DNAH12: variants seen among roughly 807,000 people sequenced by gnomAD.
DNAH12 encodes axonemal beta dynein heavy chain 12.
In DNAH12, 285 loss-of-function variants were observed where a neutral mutation model predicts 371.5. The observed-to-expected ratio is 0.77, with a 90% CI of 0.70 to 0.85. DNAH12 has a LOEUF of 0.85. Ranked by LOEUF, DNAH12 falls within the 40% of genes least tolerant of loss-of-function variation. The pLI, the probability that DNAH12 is intolerant of heterozygous loss-of-function variation, is 0.00. For synonymous variants in DNAH12, 1,200 were observed against 1,213.0 expected (o/e 0.99, Z 0.22); for missense variants, 3,611 against 3,689.4 (o/e 0.98, Z 0.55).
At chr3:57,328,969 A>C (rs75210419) in intron 62 of DNAH12, among the ~76,000 whole-genome samples, 30,520 of 119,530 alleles carry the variant, frequency 0.26, 3,783 homozygotes, top group African/African-American at 0.31. Context: ...CAATTGCTTC[A>C]AAGGGAATAA....
At chr3:57,383,759 T>TAA (rs1276621133) in intron 49 of DNAH12, among the ~76,000 whole-genome samples, 4,681 of 132,434 alleles carry the variant, frequency 0.035, 99 homozygotes, top group African/African-American at 0.05. Flanking sequence ...GACCCTGTCT[T>TAA]AAAAAAAAAA....
At chr3:57,529,376 TTTTGC>T (rs1255867945) in intron 2 of DNAH12, among the ~76,000 whole-genome samples, 1 of 152,182 alleles carries the variant, frequency 6.6e-6, no homozygotes, top group Non-Finnish European at 1.5e-5. Flanking sequence ...CCTGGGCTTT[TTTTGC>T]TGGAAGACGT....
chr3:57,475,395 G>C (rs1464179865), intron 13 of DNAH12, among the ~76,000 whole-genome samples: 4 of 152,074 alleles, frequency 2.6e-5, no homozygotes, highest in African/African-American at 9.7e-5. Context: ...TAAAATAAAA[G>C]ACTGCTCCAT....
At chr3:57,489,757 T>C (rs777728816) in intron 11 of DNAH12, 70 bp from the exon 12 acceptor site, 5 of 1,354,040 alleles carry the variant, frequency 3.7e-6, no homozygotes, top group East Asian at 2.8e-5. Context: ...TATTGTATTG[T>C]TATGAAAGTC....
At chr3:57,552,675 T>A in the DNAH12 span, among the ~76,000 whole-genome samples, 9 of 152,148 alleles carry the variant, frequency 5.9e-5, no homozygotes, top group Admixed American at 5.9e-4. Context: ...TTTGGGAGGC[T>A]GAGGCAGGTG....
At chr3:57,309,888 T>A in intron 67 of DNAH12, 34 bp from the exon 68 acceptor site, 1 of 1,526,010 alleles carries the variant, frequency 6.6e-7, no homozygotes, top group Non-Finnish European at 8.8e-7. Context: ...GCATCATATT[T>A]TCCCTGGATA....
chr3:57,520,693 G>A (rs888656501), intron 4 of DNAH12, among the ~76,000 whole-genome samples: 3 of 151,662 alleles, frequency 2.0e-5, no homozygotes, highest in South Asian at 4.2e-4. Context: ...CGCCCACCCC[G>A]GCTTCCCAAA....
chr3:57,415,534 T>C lies in DNAH12; in HGVS notation c.5745A>G (p.Thr1915=). ...TATCCTTCACATACACAGATTTTCCTGTACCCGTTGGACCCACAAAAAGGA... is the reference window on the plus strand; with the variant it reads ...TATCCTTCACATACACAGATTTTCCCGTACCCGTTGGACCCACAAAAAGGA... ...KPLLFVGPTG[T]GKSVYVKDKL... The change falls in exon 38 of 74, where the codon ACA becomes ACG. Residue 1915 remains threonine (T), a synonymous_variant. Transcript: ENST00000495027. 2 of 1,549,234 alleles carry C rather than the reference T, an allele frequency of 1.3e-6. No homozygotes were observed. The highest frequency in any genetic ancestry group is 2.4e-5 in the East Asian group (1 of 40,882).
rs1177542478 is a variant in DNAH12, at chr3:57,363,577, T to C, written c.9360+17A>G. On this transcript the variant is annotated intron_variant, in intron 58 of 73. Coordinates refer to ENST00000495027, the MANE Select transcript of DNAH12 (RefSeq NM_001366028.2). ...CTTAAGATTTAAATCAAAAGACTTC[T>C]AGGATTCTTTTTTCACCTGCTGTTT... 3 of 152,164 alleles carry C rather than the reference T, an allele frequency of 2.0e-5. No homozygotes were observed. The highest frequency in any genetic ancestry group is 4.4e-5 in the Non-Finnish European group (3 of 67,988). 9.4% of individuals were successfully genotyped at this position (152,164 alleles called of 1,614,324 possible).
At chr3:57,405,209 C>G (rs2063987209) in intron 41 of DNAH12, 62 bp from the exon 42 acceptor site, 1 of 1,419,860 alleles carries the variant, frequency 7.0e-7, no homozygotes, top group Non-Finnish European at 9.3e-7. Context: ...TTTAAGAAAA[C>G]AAAATTTTTG....
intron 30 of DNAH12, among the ~76,000 whole-genome samples, chr3:57,435,555 G>C (rs28632198): frequency 5.2e-4 from 79 of 152,196 alleles, no homozygotes; most frequent in African/African-American, 1.8e-3. Flanking sequence ...TAGGAACATG[G>C]AGCTGTCTAG....
chr3:57,295,553 G>A lies in DNAH12; in HGVS notation c.11664C>T (p.Asp3888=). The A allele has an allele frequency of 6.5e-7, 1 of 1,545,402 alleles. No individual in the cohort carries two copies. Among genetic ancestry groups the A allele is most frequent in the East Asian group, 2.5e-5 (1 of 40,814 alleles). ...GTTTTATCCATATGATGGGCATCAG[G>A]TCAAACAGAAGTTTGGGATATTGTT... ...LAEQYPKLLF[D]LMPIIWIKPT... is the part of the protein sequence containing the mutation. The change falls in exon 73 of 74, where the codon GAC becomes GAT. Residue 3888 remains aspartate (D), a synonymous_variant. Transcript: ENST00000495027.
At chr3:57,299,948 C>A (rs1432375803) in intron 70 of DNAH12, among the ~76,000 whole-genome samples, 1 of 152,164 alleles carries the variant, frequency 6.6e-6, no homozygotes, top group East Asian at 1.9e-4. Context: ...AAGGGCCCCA[C>A]GTGGGGGAGA....
chr3:57,402,676 G>A (rs1237093918), intron 43 of DNAH12, among the ~76,000 whole-genome samples: 3 of 152,166 alleles, frequency 2.0e-5, no homozygotes, highest in East Asian at 1.9e-4. Flanking sequence ...CTTATCAGAG[G>A]CCAGAAAGGA....
intron 12 of DNAH12, among the ~76,000 whole-genome samples, chr3:57,486,251 A>G (rs2066920347): frequency 1.3e-5 from 2 of 152,114 alleles, no homozygotes; most frequent in South Asian, 4.1e-4. Flanking sequence ...GAAATTTTAA[A>G]AATTAAAATT....
intron 34 of DNAH12, among the ~76,000 whole-genome samples, chr3:57,426,292 G>C (rs1017661018): frequency 6.6e-6 from 1 of 152,134 alleles, no homozygotes; most frequent in African/African-American, 2.4e-5. Context: ...TTAATTACAA[G>C]AGGAAGAGAG....
In DNAH12 at chr3:57,508,480, G is replaced by T. The variant is rs373494261; in HGVS notation, c.603C>A (p.Phe201Leu). ...SSYVQARNQIFSNLHIIHPTM... is the reference protein window; with the variant it reads ...SSYVQARNQILSNLHIIHPTM... ...TTGGATGAATAATGTGCAAATTAGA[G>T]AATATTTGATTTCTTGCCTGCACAT... Residue 201 changes from phenylalanine (F) to leucine (L), a missense_variant, in exon 7 of 74, where the codon TTC (phenylalanine) becomes TTA (leucine). Physicochemically the swap from Phe to Leu is conservative, Grantham distance 22. This residue lies in a region of DNAH12 where 1,314 missense variants were observed against 1,398.7 expected (regional missense o/e 0.94). Coordinates refer to ENST00000495027, the MANE Select transcript of DNAH12 (RefSeq NM_001366028.2). 16 of 1,613,170 alleles carry T rather than the reference G, an allele frequency of 9.9e-6. No individual in the cohort carries two copies. In the African/African-American group the frequency reaches 1.2e-4, roughly 12 times the overall value.
chr3:57,459,684 T>C lies in DNAH12; in HGVS notation c.2839A>G (p.Ile947Val). ...CCTTCTTCTGGCATCTGTTGCATGATATCCTCAGAACAAAAGATGGGCTCT... is the reference window on the plus strand; with the variant it reads ...CCTTCTTCTGGCATCTGTTGCATGACATCCTCAGAACAAAAGATGGGCTCT... ...YLEPIFCSED[I>V]MQQMPEEGRQ... The change falls in exon 20 of 74, where the codon ATC becomes GTC. Residue 947 changes from isoleucine to valine, a missense_variant. Physicochemically the swap from Ile to Val is conservative, Grantham distance 29. Around this residue, in one of 3 missense-constraint regions of DNAH12, gnomAD observed 1,314 missense variants for 1,398.7 expected, o/e 0.94. Transcript: ENST00000495027. The C allele has an allele frequency of 6.5e-7, 1 of 1,549,838 alleles. No individual in the cohort carries two copies.
intron 32 of DNAH12, among the ~76,000 whole-genome samples, chr3:57,430,679 CTT>C (rs1213085369): frequency 1.3e-5 from 2 of 152,140 alleles, no homozygotes; most frequent in Non-Finnish European, 2.9e-5. Context: ...TTATTATTAA[CTT>C]GATACCTAAA....
Sources: allele counts gnomAD v4.1 joint callset (sites outside exome capture counted in the v4.1 genomes callset), GRCh38; gene constraint gnomAD v4.1.1; regional missense constraint gnomAD v4.1.1; transcripts MANE v1.5; gene names NCBI Gene and HGNC (gene_info 2026-07-23, HGNC 2026-07-21).